Variants in PARD3B observed in about 807,000 individuals in gnomAD.
PARD3B encodes par-3 family cell polarity regulator beta.
In PARD3B, 103 loss-of-function variants were observed where a neutral mutation model predicts 130.2. The observed-to-expected ratio is 0.79, with a 90% confidence interval of 0.67 to 0.93. The LOEUF (loss-of-function observed/expected upper bound fraction) is 0.93, where lower values mean the gene tolerates loss of function less well. Among genes scored for constraint, PARD3B ranks in the 40% least tolerant of loss-of-function variants. PARD3B has a pLI of 0.00. For synonymous variants in PARD3B, 583 were observed against 553.2 expected, an observed-to-expected ratio of 1.05 and a Z score of -0.76; for missense variants, 1,609 against 1,499.2, an observed-to-expected ratio of 1.07 and a Z score of -1.21.
At chr2:204,979,850 G>A (rs1384675682) in intron 3 of PARD3B, among the ~76,000 whole-genome samples, 2 of 152,068 alleles carry the variant, frequency 1.3e-5, no homozygotes, top group African/African-American at 4.8e-5. Context: ...ACAGATTATA[G>A]ATCTAAAGGT....
chr2:205,423,245 C>T (rs1037103382), intron 19 of PARD3B, among the ~76,000 whole-genome samples: 30 of 152,140 alleles, frequency 2.0e-4, no homozygotes, highest in African/African-American at 5.8e-4. Context: ...AGTGTGCATG[C>T]GGTAGAGGGA....
At position 204,689,755 on chromosome 2, in the gene PARD3B, A is replaced by G; in HGVS notation, c.222+3473A>G. On this transcript the variant is annotated intron_variant, in intron 2 of 22. Coordinates refer to ENST00000406610, the MANE Select transcript of PARD3B (RefSeq NM_001302769.2). The surrounding 1 kb of genome is among the most constrained non-coding windows in gnomAD (Gnocchi z 5.2). ...ACAGAAATTGTAAGTAACTTGCCCA[A>G]GATCACACAGGTAGTAAATGGCACA... 6.6e-6 allele frequency among the ~76,000 whole-genome samples: 1 copy of G among 152,176 alleles called. No individual in the cohort carries two copies. Among genetic ancestry groups the G allele is most frequent in the East Asian group, 1.9e-4 (1 of 5,186 alleles).
intron 3 of PARD3B, among the ~76,000 whole-genome samples, chr2:205,035,851 CTATA>C (rs1228141891): frequency 2.7e-5 from 2 of 75,076 alleles, no homozygotes; most frequent in Non-Finnish European, 5.4e-5. Context: ...ATATAGTGGG[CTATA>C]TATATATGAG....
At chr2:205,177,065 A>T (rs1276224285) in intron 13 of PARD3B, among the ~76,000 whole-genome samples, 1 of 152,202 alleles carries the variant, frequency 6.6e-6, no homozygotes, top group South Asian at 2.1e-4. Flanking sequence ...TGTTCTTGTT[A>T]TTGTCTTGCT....
intron 3 of PARD3B, 23 bp downstream of exon 3, chr2:204,965,346 T>C: frequency 1.2e-6 from 2 of 1,603,866 alleles, no homozygotes; most frequent in African/African-American, 1.3e-5. Context: ...TTTATGATAT[T>C]CTTTTCACCT....
Position 205,614,557 on chromosome 2 carries a change from T to C in PARD3B, c.3261-899T>C, listed in dbSNP as rs1305360441. ...ATCTCTACAAAAAAAAATACAAAAC[T>C]TAGTCAGGTGTAGTGGTGGGCACCT... On this transcript the variant is annotated intron_variant, in intron 22 of 22. Transcript: ENST00000406610. Among the ~76,000 whole-genome samples the C allele has an allele frequency of 4.0e-5, 6 of 151,818 alleles. No homozygotes were observed. In the East Asian group the frequency reaches 1.2e-3, roughly 29 times the overall value.
At chr2:204,786,225 A>G (rs954490077) in intron 2 of PARD3B, among the ~76,000 whole-genome samples, 1 of 152,128 alleles carries the variant, frequency 6.6e-6, no homozygotes, top group African/African-American at 2.4e-5. Context: ...GACAATAGAA[A>G]CTGGTAGATG....
chr2:204,842,427 G>A (rs2044290286), intron 2 of PARD3B, among the ~76,000 whole-genome samples: 1 of 151,998 alleles, frequency 6.6e-6, no homozygotes, highest in South Asian at 2.1e-4. Context: ...TTCAAATGAG[G>A]AGGATTAAGT....
In PARD3B at chr2:204,561,097, G is replaced by C. The variant is rs142890879; in HGVS notation, c.120+14978G>C. ...CAGAACCTGATAGATAGGGATAGGA[G>C]AGGTGGGAGACTGAGAACAGATGAA... On this transcript the variant is annotated intron_variant, in intron 1 of 22. Coordinates refer to ENST00000406610, the MANE Select transcript of PARD3B (RefSeq NM_001302769.2). Among the ~76,000 whole-genome samples, 1,262 of 152,244 alleles carry C rather than the reference G, an allele frequency of 8.3e-3. 19 individuals are homozygous for C. Among genetic ancestry groups the C allele is most frequent in the African/African-American group, 0.029 (1,200 of 41,552 alleles).
intron 22 of PARD3B, among the ~76,000 whole-genome samples, chr2:205,578,479 G>A (rs2053845403): frequency 1.3e-5 from 2 of 152,170 alleles, no homozygotes; most frequent in South Asian, 4.1e-4. Context: ...TGTACAGAAA[G>A]CTATAGTTAA....
intron 4 of PARD3B, among the ~76,000 whole-genome samples, chr2:205,099,920 A>C (rs1455933337): frequency 1.3e-5 from 2 of 152,170 alleles, no homozygotes; most frequent in Non-Finnish European, 2.9e-5. Flanking sequence ...AAGTCTGTGA[A>C]TGTGTATTCT....
chr2:205,364,084 T>C (rs1276731662), intron 18 of PARD3B, among the ~76,000 whole-genome samples: 1 of 152,010 alleles, frequency 6.6e-6, no homozygotes, highest in Admixed American at 6.6e-5. Flanking sequence ...TAAAATGAAG[T>C]TGAAATAAGG....
chr2:204,904,152 T>G (rs1339927939), intron 2 of PARD3B, among the ~76,000 whole-genome samples: 1 of 152,238 alleles, frequency 6.6e-6, no homozygotes, highest in East Asian at 1.9e-4. Flanking sequence ...TATTACTCTT[T>G]GTTAAACTTT....
intron 3 of PARD3B, among the ~76,000 whole-genome samples, chr2:204,983,353 G>A (rs6717826): frequency 0.026 from 3,970 of 150,512 alleles, 69 homozygotes; most frequent in Middle Eastern, 0.045. Flanking sequence ...GGTTCCAACC[G>A]AGGCTTTAAT....
intron 2 of PARD3B, among the ~76,000 whole-genome samples, chr2:204,742,348 T>C (rs2040044681): frequency 1.3e-5 from 2 of 152,086 alleles, no homozygotes; most frequent in South Asian, 2.1e-4. Context: ...GATTTTGAGA[T>C]AGAAATGAAG....
chr2:205,389,563 A>G (rs849238), intron 18 of PARD3B, among the ~76,000 whole-genome samples: 14,633 of 152,064 alleles, frequency 0.096, 929 homozygotes, highest in Middle Eastern at 0.17. Context: ...GGGTTTCACC[A>G]TGTTGGCCAG....
At chr2:204,560,982 C>A (rs188874273) in intron 1 of PARD3B, among the ~76,000 whole-genome samples, 4 of 151,906 alleles carry the variant, frequency 2.6e-5, no homozygotes, top group African/African-American at 9.7e-5. Context: ...GGGGAGAGGG[C>A]GCAGTCTCTG....
intron 2 of PARD3B, among the ~76,000 whole-genome samples, chr2:204,807,546 A>G (rs1228054358): frequency 3.3e-5 from 5 of 152,136 alleles, no homozygotes; most frequent in African/African-American, 1.2e-4. Context: ...CTGCACTCTC[A>G]TGTTTATTGC....
Position 205,309,680 on chromosome 2 carries a change from A to T in PARD3B, c.2630+7979A>T. ...GTCCCTTAGAAGCTCTGTGGCCTTC[A>T]CTACCACCAAATTAATGCTGAACCT... On this transcript the variant is annotated intron_variant, in intron 18 of 22. Transcript: ENST00000406610. The surrounding 1 kb of genome is among the most constrained non-coding windows in gnomAD (Gnocchi z 4.7). Among the ~76,000 whole-genome samples the T allele has an allele frequency of 6.6e-6, 1 of 152,148 alleles. No homozygotes were observed. Among genetic ancestry groups the T allele is most frequent in the East Asian group, 1.9e-4 (1 of 5,178 alleles).
Sources: gnomAD v4.1 joint callset for allele counts (sites outside exome capture counted in the v4.1 genomes callset) on GRCh38, gnomAD v4.1.1 for gene constraint, Gnocchi (gnomAD v3.1) non-coding constraint, MANE v1.5 for transcripts, NCBI Gene and HGNC (gene_info 2026-07-23, HGNC 2026-07-21) for gene names.